The following CFAP299 variants were observed in gnomAD, a reference collection of about 807,000 sequenced individuals.
CFAP299 encodes the protein cilia- and flagella-associated protein 299.
Under a neutral mutation model 27.0 loss-of-function variants are expected in CFAP299, and 21 were observed. The observed-to-expected ratio is 0.78, with a 90% CI of 0.55 to 1.12. The LOEUF (loss-of-function observed/expected upper bound fraction) is 1.12, where lower values mean the gene tolerates loss of function less well. Among genes scored for constraint, CFAP299 ranks in the 50% most tolerant of loss-of-function variants. CFAP299 has a pLI of 0.00. For missense variants in CFAP299, 310 were observed against 276.6 expected (o/e 1.12, Z -0.86); for synonymous variants, 104 against 98.1 (o/e 1.06, Z -0.36).
At chr4:80,954,680 C>CG (rs1421775834) in intron 5 of CFAP299, among the ~76,000 whole-genome samples, 6 of 151,778 alleles carry the variant, frequency 4.0e-5, no homozygotes, top group African/African-American at 4.8e-5. Flanking sequence ...TCTTAATATG[C>CG]GGGGGGGACA....
In CFAP299 at chr4:80,920,508, C is replaced by T. The variant is rs191790034; in HGVS notation, c.477-24302C>T. On this transcript the variant is annotated intron_variant, in intron 4 of 5. Coordinates refer to ENST00000358105, the MANE Select transcript of CFAP299 (RefSeq NM_152770.3). ...TCAGAGGATAAGGCACATGGGTGCT[C>T]TTTCGTCTTCTAATTCTAGCTCCTT... 3.1e-3 allele frequency among the ~76,000 whole-genome samples: 478 copies of T among 152,204 alleles called. 2 individuals are homozygous for T. The highest frequency in any genetic ancestry group is 4.9e-3 in the Non-Finnish European group (336 of 68,016).
chr4:80,356,271 G>A (rs1292510666), intron 1 of CFAP299, among the ~76,000 whole-genome samples: 2 of 152,110 alleles, frequency 1.3e-5, no homozygotes, highest in South Asian at 2.1e-4. Context: ...GTACCGTGAT[G>A]CCTCCAGCTT....
chr4:80,535,734 A>T (rs1310164610), intron 2 of CFAP299, among the ~76,000 whole-genome samples: 1 of 152,132 alleles, frequency 6.6e-6, no homozygotes, highest in Non-Finnish European at 1.5e-5. Context: ...ACTGGGTATG[A>T]CTGAACCTTG....
chr4:80,739,772 AC>A (rs1724144667), intron 3 of CFAP299, among the ~76,000 whole-genome samples: 1 of 151,448 alleles, frequency 6.6e-6, no homozygotes, highest in Non-Finnish European at 1.5e-5. Context: ...AAAACTTTCT[AC>A]CCCTATCTCT....
At chr4:80,545,844 T>C (rs778759643) in intron 2 of CFAP299, among the ~76,000 whole-genome samples, 2 of 152,052 alleles carry the variant, frequency 1.3e-5, no homozygotes, top group Non-Finnish European at 2.9e-5. Context: ...GCAAAAATGC[T>C]CAACAAAATA....
At chr4:80,612,304 A>G (rs1214703551) in intron 3 of CFAP299, among the ~76,000 whole-genome samples, 1 of 152,100 alleles carries the variant, frequency 6.6e-6, no homozygotes, top group Admixed American at 6.6e-5. Context: ...ACTCAGTGAG[A>G]GGGATAGATT....
At chr4:80,750,083 T>A (rs1467594993) in intron 3 of CFAP299, among the ~76,000 whole-genome samples, 3 of 152,218 alleles carry the variant, frequency 2.0e-5, no homozygotes, top group Non-Finnish European at 2.9e-5. Context: ...CACAGGCCAA[T>A]AATTTATTTT....
chr4:80,688,578 C>T (rs547048681), intron 3 of CFAP299, among the ~76,000 whole-genome samples: 55 of 152,226 alleles, frequency 3.6e-4, no homozygotes, highest in African/African-American at 1.3e-3. Flanking sequence ...GTAGATAAAA[C>T]CACAAAGATG....
intron 3 of CFAP299, among the ~76,000 whole-genome samples, chr4:80,628,569 T>C (rs1403898831): frequency 6.6e-6 from 1 of 152,114 alleles, no homozygotes; most frequent in Non-Finnish European, 1.5e-5. Flanking sequence ...AGAAAATGTT[T>C]GCAAACTGTA....
chr4:80,674,284 A>C (rs192954648), intron 3 of CFAP299, among the ~76,000 whole-genome samples: 1 of 152,130 alleles, frequency 6.6e-6, no homozygotes, highest in Non-Finnish European at 1.5e-5. Flanking sequence ...CTTATGAAGC[A>C]TGGTTTGGCT....
chr4:80,424,121 T>C (rs1173711139), intron 2 of CFAP299, among the ~76,000 whole-genome samples: 1 of 152,180 alleles, frequency 6.6e-6, no homozygotes, highest in Non-Finnish European at 1.5e-5. Context: ...TAAGCCATTT[T>C]GGAAGAGGAA....
chr4:80,684,331 T>G (rs1435850332), intron 3 of CFAP299, among the ~76,000 whole-genome samples: 1 of 152,158 alleles, frequency 6.6e-6, no homozygotes, highest in Non-Finnish European at 1.5e-5. Context: ...TGGTGCGATC[T>G]TGGCTCACTG....
chr4:80,864,430 G>GTATA (rs34724841), intron 3 of CFAP299, among the ~76,000 whole-genome samples: 51 of 133,570 alleles, frequency 3.8e-4, no homozygotes, highest in East Asian at 2.1e-3. Flanking sequence ...ATATATATAG[G>GTATA]TATATATATA....
At chr4:80,327,730 TAC>T in the CFAP299 span, among the ~76,000 whole-genome samples, 1 of 103,906 alleles carries the variant, frequency 9.6e-6, no homozygotes, top group Non-Finnish European at 1.8e-5. Flanking sequence ...ATAACTTCAA[TAC>T]ATATATATAT....
chr4:80,647,690 G>A (rs1740095247), intron 3 of CFAP299, among the ~76,000 whole-genome samples: 1 of 67,894 alleles, frequency 1.5e-5, no homozygotes, highest in African/African-American at 2.9e-5. Flanking sequence ...GTTTATGCTA[G>A]TTGTTCTTTT....
At position 80,496,355 on chromosome 4, in the gene CFAP299, T is replaced by C. The variant is rs147210729; in HGVS notation, c.243-86738T>C. On this transcript the variant is annotated intron_variant, in intron 2 of 5. Transcript: ENST00000358105. ...TCTACCAGATACCCTAGGTCATTGT[T>C]CTTAGGTTCAAACTTCCACAGATTC... Among the ~76,000 whole-genome samples the C allele has an allele frequency of 4.6e-5, 7 of 152,312 alleles. No homozygotes were observed. In the East Asian group the frequency reaches 1.3e-3, roughly 29 times the overall value.
At chr4:80,691,379 C>A (rs1720677293) in intron 3 of CFAP299, among the ~76,000 whole-genome samples, 1 of 141,422 alleles carries the variant, frequency 7.1e-6, no homozygotes, top group African/African-American at 2.7e-5. Context: ...GGATGCAAGG[C>A]TGGTTCAATA....
At chr4:80,878,371 A>G (rs1352085953) in intron 4 of CFAP299, among the ~76,000 whole-genome samples, 1 of 152,078 alleles carries the variant, frequency 6.6e-6, no homozygotes, top group Non-Finnish European at 1.5e-5. Flanking sequence ...AGATAACTCT[A>G]AAGGCTTCAT....
intron 1 of CFAP299, among the ~76,000 whole-genome samples, chr4:80,340,374 G>A (rs1384029680): frequency 6.6e-6 from 1 of 152,166 alleles, no homozygotes; most frequent in East Asian, 1.9e-4. Context: ...CAAAGTCTCA[G>A]CAGAGTAGTC....
Sources: gnomAD v4.1 joint callset for allele counts (sites outside exome capture counted in the v4.1 genomes callset) on GRCh38, gnomAD v4.1.1 for gene constraint, MANE v1.5 for transcripts, NCBI Gene and HGNC (gene_info 2026-07-23, HGNC 2026-07-21) for gene names.